Variants in NCKAP5 observed in about 807,000 individuals in gnomAD.
NCKAP5 encodes the protein nck-associated protein 5.
In NCKAP5, 92 loss-of-function variants were observed where a neutral mutation model predicts 167.0. The observed-to-expected ratio is 0.55, with a 90% CI of 0.47 to 0.66. The LOEUF (loss-of-function observed/expected upper bound fraction) is 0.66. Ranked by LOEUF, NCKAP5 falls within the 30% of genes least tolerant of loss-of-function variation. NCKAP5 has a pLI of 0.00. For synonymous variants in NCKAP5, 891 were observed against 877.4 expected (o/e 1.02, Z -0.27); for missense variants, 2,378 against 2,315.0 (o/e 1.03, Z -0.56).
intron 8 of NCKAP5, among the ~76,000 whole-genome samples, chr2:132,948,457 G>A (rs1166967610): frequency 1.3e-5 from 2 of 152,184 alleles, no homozygotes; most frequent in African/African-American, 4.8e-5. Flanking sequence ...AGCCTGCAGC[G>A]AGCGAAGGGG....
chr2:133,284,154 A>C, intron 4 of NCKAP5, among the ~76,000 whole-genome samples: 1 of 148,240 alleles, frequency 6.7e-6, no homozygotes, highest in African/African-American at 2.5e-5. Context: ...TGCCTATAAG[A>C]TTGTGCATAT....
In NCKAP5 at chr2:133,372,882, C is replaced by T. The variant is rs1296822462; in HGVS notation, c.70-69772G>A. On this transcript the variant is annotated intron_variant, in intron 3 of 19. Transcript: ENST00000409261. ...TGACAGGCACCTTCTGGGTTACATC[C>T]TTCACTCTAATATCAGCATCTTCTT... Among the ~76,000 whole-genome samples, 6 of 152,148 alleles carry T rather than the reference C, an allele frequency of 3.9e-5. No homozygotes were observed. In the East Asian group the frequency reaches 1.2e-3, roughly 29 times the overall value.
At chr2:132,899,456 T>C (rs765900983) in intron 8 of NCKAP5, among the ~76,000 whole-genome samples, 5 of 152,296 alleles carry the variant, frequency 3.3e-5, no homozygotes, top group Non-Finnish European at 7.3e-5. Context: ...GTTAAATTCC[T>C]TCAACAACTA....
chr2:132,799,362 G>A (rs1396126670), intron 11 of NCKAP5, among the ~76,000 whole-genome samples: 2 of 151,980 alleles, frequency 1.3e-5, no homozygotes, highest in Non-Finnish European at 2.9e-5. Flanking sequence ...ATATACCCAC[G>A]GAACAAAACT....
rs544897162 is a variant in NCKAP5, at chr2:133,472,783, A to G, written c.69+44675T>C. Among the ~76,000 whole-genome samples, 40 of 152,274 alleles carry G rather than the reference A, an allele frequency of 2.6e-4. No homozygotes were observed. The South Asian group carries it at 4.8e-3, about 18-fold the overall frequency. Reference sequence around the variant, plus strand: ...TCAGATAATGGCACCCCTATCCACCAGATCTGCTTGGTTAGCAACACCTCT... The same window carrying G: ...TCAGATAATGGCACCCCTATCCACCGGATCTGCTTGGTTAGCAACACCTCT... On this transcript the variant is annotated intron_variant, in intron 3 of 19. Transcript: ENST00000409261.
chr2:133,140,778 T>C (rs1398172951), intron 5 of NCKAP5, among the ~76,000 whole-genome samples: 1 of 148,872 alleles, frequency 6.7e-6, no homozygotes, highest in Admixed American at 6.8e-5. Flanking sequence ...AGCTTGTTAA[T>C]ATAATAAATT....
chr2:132,842,834 C>T (rs1370132567), intron 11 of NCKAP5, among the ~76,000 whole-genome samples: 1 of 152,056 alleles, frequency 6.6e-6, no homozygotes, highest in Non-Finnish European at 1.5e-5. Flanking sequence ...CTACCATGCC[C>T]CACCCAATTT....
At chr2:132,758,165 A>G (rs1224612639) in intron 16 of NCKAP5, among the ~76,000 whole-genome samples, 1 of 152,172 alleles carries the variant, frequency 6.6e-6, no homozygotes, top group African/African-American at 2.4e-5. Flanking sequence ...TTTCTCTGCA[A>G]GAGACTGGTG....
At chr2:132,920,707 A>G (rs1196653023) in intron 8 of NCKAP5, among the ~76,000 whole-genome samples, 1 of 102,644 alleles carries the variant, frequency 9.7e-6, no homozygotes, top group Non-Finnish European at 1.8e-5. Flanking sequence ...ATATACGTAT[A>G]TGTATATATA....
the NCKAP5 span, among the ~76,000 whole-genome samples, chr2:133,670,068 C>T: frequency 2.0e-5 from 3 of 152,222 alleles, no homozygotes; most frequent in Non-Finnish European, 2.9e-5. Context: ...AGGTTAAGAG[C>T]TAAAACATGG....
At chr2:132,959,633 G>T (rs926521704) in intron 8 of NCKAP5, among the ~76,000 whole-genome samples, 5 of 152,218 alleles carry the variant, frequency 3.3e-5, no homozygotes, top group African/African-American at 9.6e-5. Context: ...TCTGGGGCCT[G>T]AGTGGGGCAA....
chr2:132,976,368 G>T (rs866834375), intron 7 of NCKAP5, among the ~76,000 whole-genome samples: 17 of 152,032 alleles, frequency 1.1e-4, no homozygotes, highest in African/African-American at 3.6e-4. Context: ...TTCAAGACCA[G>T]CTTGGCCAAC....
At chr2:132,780,885 G>A (rs1401028880) in intron 15 of NCKAP5, among the ~76,000 whole-genome samples, 167 bp downstream of exon 15, 4 of 152,232 alleles carry the variant, frequency 2.6e-5, no homozygotes, top group African/African-American at 7.2e-5. Flanking sequence ...CTCTGCTGCA[G>A]TTGTCACCAG....
chr2:132,987,034 A>C (rs1042511462), intron 7 of NCKAP5, among the ~76,000 whole-genome samples: 1 of 152,132 alleles, frequency 6.6e-6, no homozygotes, highest in African/African-American at 2.4e-5. Flanking sequence ...TGCCAGGTGG[A>C]GGTTGCTAGG....
At chr2:133,445,439 T>C (rs1239319932) in intron 3 of NCKAP5, among the ~76,000 whole-genome samples, 1 of 152,254 alleles carries the variant, frequency 6.6e-6, no homozygotes, top group East Asian at 1.9e-4. Context: ...TTATTATTGC[T>C]ATCACTGTTT....
chr2:133,405,428 A>T (rs928085363), intron 3 of NCKAP5, among the ~76,000 whole-genome samples: 2 of 152,188 alleles, frequency 1.3e-5, no homozygotes, highest in African/African-American at 4.8e-5. Flanking sequence ...AGTGACATCA[A>T]CCAAAAGCAC....
chr2:132,693,860 G>T (rs2105168091), intron 19 of NCKAP5, among the ~76,000 whole-genome samples: 1 of 151,912 alleles, frequency 6.6e-6, no homozygotes, highest in African/African-American at 2.4e-5. Context: ...TCCTGACCTT[G>T]TGATCCACAT....
Position 133,192,118 on chromosome 2 carries a change from A to G in NCKAP5, c.207+21598T>C, listed in dbSNP as rs190778644. 8.9e-4 allele frequency among the ~76,000 whole-genome samples: 136 copies of G among 152,168 alleles called. 1 individual carries two copies. The highest frequency in any genetic ancestry group is 2.9e-3 in the African/African-American group (121 of 41,528). ...GACGGACATAGATAAATGGGACCCA[A>G]TAAAGAAACCAGAAATACACCTGCA... On this transcript the variant is annotated intron_variant, in intron 5 of 19. Coordinates refer to ENST00000409261, the MANE Select transcript of NCKAP5 (RefSeq NM_207363.3).
At chr2:133,464,049 G>A (rs1033230730) in intron 3 of NCKAP5, among the ~76,000 whole-genome samples, 3 of 152,076 alleles carry the variant, frequency 2.0e-5, no homozygotes, top group East Asian at 1.9e-4. Flanking sequence ...CAAACAGCAC[G>A]GGGGAGCCTG....
Sources: gnomAD v4.1 joint callset for allele counts (sites outside exome capture counted in the v4.1 genomes callset) on GRCh38, gnomAD v4.1.1 for gene constraint, MANE v1.5 for transcripts, NCBI Gene and HGNC (gene_info 2026-07-23, HGNC 2026-07-21) for gene names.